Variants in FGGY observed in about 807,000 individuals in gnomAD.
The protein encoded by FGGY is FGGY carbohydrate kinase domain containing, also known as FGGY carbohydrate kinase domain-containing protein.
A neutral mutation model predicts 71.3 loss-of-function variants in FGGY; 72 were observed. The ratio of observed to expected loss-of-function variants is 1.01; its 90% CI spans 0.84 to 1.23. The LOEUF (loss-of-function observed/expected upper bound fraction) is 1.23. Among genes scored for constraint, FGGY ranks in the 50% most tolerant of loss-of-function variants. The pLI is 0.00. For missense variants in FGGY, 668 were observed against 682.3 expected (o/e 0.98, Z 0.23); for synonymous variants, 251 against 250.3 (o/e 1.00, Z -0.02).
intron 14 of FGGY, among the ~76,000 whole-genome samples, chr1:59,711,266 G>A (rs1226808874): frequency 6.6e-6 from 1 of 152,018 alleles, no homozygotes; most frequent in African/African-American, 2.4e-5. Flanking sequence ...ACAGGGAGGG[G>A]AACATCACAG....
intron 6 of FGGY, among the ~76,000 whole-genome samples, chr1:59,461,801 T>TTTGG (rs1558003846): frequency 6.9e-6 from 1 of 143,950 alleles, no homozygotes; most frequent in African/African-American, 3.0e-5. Flanking sequence ...TTTTGTTTTT[T>TTTGG]ATTTTATTGT....
chr1:59,589,544 T>C (rs201801252), intron 8 of FGGY, among the ~76,000 whole-genome samples: 2 of 152,006 alleles, frequency 1.3e-5, no homozygotes, highest in East Asian at 1.9e-4. Context: ...GAAGTAAAGC[T>C]CTCCTGAGCA....
At chr1:59,514,637 G>C (rs903369918) in intron 7 of FGGY, among the ~76,000 whole-genome samples, 1 of 152,152 alleles carries the variant, frequency 6.6e-6, no homozygotes, top group South Asian at 2.1e-4. Context: ...CCCAGGGGGA[G>C]GTAATTGAAT....
At chr1:59,476,829 T>G (rs1249884325) in intron 6 of FGGY, among the ~76,000 whole-genome samples, 1 of 152,158 alleles carries the variant, frequency 6.6e-6, no homozygotes, top group Non-Finnish European at 1.5e-5. Flanking sequence ...GCCTCAGAGG[T>G]TCTTTCCTCC....
At chr1:59,564,077 C>A (rs59416792) in intron 8 of FGGY, among the ~76,000 whole-genome samples, 2,492 of 152,162 alleles carry the variant, frequency 0.016, 67 homozygotes, top group African/African-American at 0.056. Flanking sequence ...GACCTGAAAC[C>A]GTAAAAAACC....
intron 12 of FGGY, among the ~76,000 whole-genome samples, chr1:59,665,648 C>T (rs1336082453): frequency 6.6e-6 from 1 of 151,970 alleles, no homozygotes; most frequent in Admixed American, 6.6e-5. Context: ...GAGGTCAGGG[C>T]AGCATCCTGC....
At chr1:59,353,565 G>A (rs1157594364) in intron 4 of FGGY, among the ~76,000 whole-genome samples, 1 of 151,978 alleles carries the variant, frequency 6.6e-6, no homozygotes, top group Non-Finnish European at 1.5e-5. Flanking sequence ...AGCCAACTTC[G>A]AGCTGTAAAG....
intron 1 of FGGY, among the ~76,000 whole-genome samples, chr1:59,299,341 TGAATCATCTTAG>T (rs1392392085): frequency 1.3e-5 from 2 of 152,116 alleles, no homozygotes; most frequent in Non-Finnish European, 2.9e-5. Context: ...AAGGGTCTGG[TGAATCATCTTAG>T]GGGAGTTTGA....
intron 8 of FGGY, among the ~76,000 whole-genome samples, chr1:59,568,065 A>G (rs142748000): frequency 1.2e-3 from 180 of 152,212 alleles, no homozygotes; most frequent in African/African-American, 4.1e-3. Flanking sequence ...TATATATACA[A>G]TATAATGCAT....
At chr1:59,429,505 G>A (rs2066962080) in intron 5 of FGGY, among the ~76,000 whole-genome samples, 1 of 152,040 alleles carries the variant, frequency 6.6e-6, no homozygotes, top group African/African-American at 2.4e-5. Context: ...ACCCTCAAAT[G>A]GTAAATATCA....
intron 5 of FGGY, among the ~76,000 whole-genome samples, chr1:59,408,105 G>C (rs1190127679): frequency 6.6e-6 from 1 of 152,208 alleles, no homozygotes; most frequent in African/African-American, 2.4e-5. Flanking sequence ...TCATGATGGA[G>C]AAAAACTCGA....
chr1:59,353,042 A>G (rs2053602048), intron 4 of FGGY, among the ~76,000 whole-genome samples: 1 of 152,194 alleles, frequency 6.6e-6, no homozygotes, highest in Non-Finnish European at 1.5e-5. Context: ...TGGGAGATAT[A>G]ACACAAATCT....
chr1:59,315,357 GC>G (rs1235482646), intron 1 of FGGY, among the ~76,000 whole-genome samples: 1 of 151,528 alleles, frequency 6.6e-6, no homozygotes, highest in Non-Finnish European at 1.5e-5. Context: ...CCACTTAACT[GC>G]CAGTTCAGTT....
Position 59,674,109 on chromosome 1 carries a change from C to T in FGGY, c.1488C>T (p.Ala496=), listed in dbSNP as rs757211105. The change falls in exon 14 of 16, where the codon GCC becomes GCT. Residue 496 remains alanine, a synonymous_variant. Coordinates refer to ENST00000303721, the MANE Select transcript of FGGY (RefSeq NM_018291.5). ...LVGAAVLGAC[A]SGDFASVQEA... Reference sequence around the variant, plus strand: ...GTGCTGCTGTTCTGGGTGCCTGTGCCTCAGGGGATTTCGCTTCTGTACAGG... The same window carrying T: ...GTGCTGCTGTTCTGGGTGCCTGTGCTTCAGGGGATTTCGCTTCTGTACAGG... The T allele has an allele frequency of 6.8e-6, 11 of 1,613,902 alleles. No individual in the cohort carries two copies. The highest frequency in any genetic ancestry group is 5.0e-5 in the Admixed American group (3 of 60,004).
chr1:59,671,835 G>A (rs571443577), intron 13 of FGGY, among the ~76,000 whole-genome samples: 1 of 152,266 alleles, frequency 6.6e-6, no homozygotes, highest in South Asian at 2.1e-4. Flanking sequence ...AGCTAAGTCA[G>A]TGGGGAAGCC....
chr1:59,350,198 G>C (rs2052973293), intron 4 of FGGY, among the ~76,000 whole-genome samples: 1 of 152,078 alleles, frequency 6.6e-6, no homozygotes, highest in Non-Finnish European at 1.5e-5. Flanking sequence ...AGTCTGTACT[G>C]AGCTCAACTA....
At chr1:59,503,794 C>T (rs1197497520) in intron 6 of FGGY, among the ~76,000 whole-genome samples, 1 of 151,058 alleles carries the variant, frequency 6.6e-6, no homozygotes, top group East Asian at 1.9e-4. Context: ...AGGTTTTTGC[C>T]CATGATTCCT....
At chr1:59,332,959 G>T (rs1413612543) in intron 2 of FGGY, among the ~76,000 whole-genome samples, 3 of 152,124 alleles carry the variant, frequency 2.0e-5, no homozygotes, top group South Asian at 2.1e-4. Context: ...AAGGTTTACT[G>T]GTTTCAAAGT....
At chr1:59,475,439 T>C (rs1348648638) in intron 6 of FGGY, among the ~76,000 whole-genome samples, 3 of 152,238 alleles carry the variant, frequency 2.0e-5, no homozygotes. Flanking sequence ...GTTCCTACAG[T>C]GCTTTACAAC....
Sources: gnomAD v4.1 joint callset for allele counts (sites outside exome capture counted in the v4.1 genomes callset) on GRCh38, gnomAD v4.1.1 for gene constraint, MANE v1.5 for transcripts, NCBI Gene and HGNC (gene_info 2026-07-23, HGNC 2026-07-21) for gene names.